Variants in CATSPERE observed in about 807,000 individuals in gnomAD.
CATSPERE encodes catsper channel auxiliary subunit epsilon.
CATSPERE carries 93 observed loss-of-function variants against 114.1 expected under a neutral mutation model. That is an observed-to-expected ratio of 0.81 (90% CI 0.69 to 0.97). CATSPERE has a LOEUF of 0.97. CATSPERE is among the 50% of genes least tolerant of loss of function. The pLI, the probability that CATSPERE is intolerant of heterozygous loss-of-function variation, is 0.00. For synonymous variants in CATSPERE, 341 were observed against 384.1 expected, an observed-to-expected ratio of 0.89 and a Z score of 1.31; for missense variants, 1,058 against 1,131.6, an observed-to-expected ratio of 0.93 and a Z score of 0.93.
intron 17 of CATSPERE, among the ~76,000 whole-genome samples, chr1:244,601,941 G>A (rs547707562): frequency 2.8e-4 from 42 of 151,948 alleles, no homozygotes; most frequent in African/African-American, 9.9e-4. Context: ...GCAACAGAGC[G>A]AAACGGAAGG....
chr1:244,595,416 G>A (rs1057324714), intron 17 of CATSPERE, among the ~76,000 whole-genome samples: 37 of 152,208 alleles, frequency 2.4e-4, no homozygotes, highest in Non-Finnish European at 3.8e-4. Flanking sequence ...AGGCAGAGGA[G>A]GGAAGGAGAG....
intron 5 of CATSPERE, among the ~76,000 whole-genome samples, chr1:244,484,775 A>G (rs1670740535): frequency 6.6e-6 from 1 of 152,128 alleles, no homozygotes; most frequent in African/African-American, 2.4e-5. Flanking sequence ...TTCTCATATT[A>G]CCTTCTCTTC....
At chr1:244,509,046 C>T (rs1037897514) in intron 7 of CATSPERE, among the ~76,000 whole-genome samples, 2 of 151,216 alleles carry the variant, frequency 1.3e-5, no homozygotes, top group African/African-American at 2.4e-5. Flanking sequence ...ATTTTCCAAC[C>T]TTGATCCTTT....
At chr1:244,600,962 C>A (rs1427681891) in intron 17 of CATSPERE, among the ~76,000 whole-genome samples, 1 of 151,956 alleles carries the variant, frequency 6.6e-6, no homozygotes, top group Non-Finnish European at 1.5e-5. Flanking sequence ...GCACACAAAG[C>A]AAATGCTTAA....
intron 8 of CATSPERE, among the ~76,000 whole-genome samples, chr1:244,545,599 C>A (rs1242427409): frequency 6.6e-6 from 1 of 152,202 alleles, no homozygotes; most frequent in African/African-American, 2.4e-5. Flanking sequence ...CCTTGGATAA[C>A]TATTCTCCTT....
At chr1:244,635,687 T>C (rs531712156) in intron 21 of CATSPERE, 145 bp downstream of exon 21, 4 of 609,320 alleles carry the variant, frequency 6.6e-6, no homozygotes, top group Admixed American at 3.1e-5. Flanking sequence ...AATCTTATTA[T>C]GAAAATTATT....
At chr1:244,515,000 C>A (rs1676393359) in intron 7 of CATSPERE, among the ~76,000 whole-genome samples, 1 of 152,134 alleles carries the variant, frequency 6.6e-6, no homozygotes, top group Non-Finnish European at 1.5e-5. Flanking sequence ...ATGGAAACTT[C>A]TTGTGAGTCA....
intron 17 of CATSPERE, among the ~76,000 whole-genome samples, chr1:244,601,820 G>C (rs530264550): frequency 3.9e-4 from 60 of 152,252 alleles, no homozygotes; most frequent in African/African-American, 1.3e-3. Context: ...GGGCGTGGGT[G>C]GTGGGCGCCT....
intron 5 of CATSPERE, among the ~76,000 whole-genome samples, chr1:244,480,585 C>A (rs372671731): frequency 1.6e-5 from 1 of 63,650 alleles, no homozygotes; most frequent in African/African-American, 5.1e-5. Context: ...GGCACATACA[C>A]GATCCAGGCA....
chr1:244,586,094 G>A (rs1390030810), intron 13 of CATSPERE, among the ~76,000 whole-genome samples: 2 of 152,222 alleles, frequency 1.3e-5, no homozygotes, highest in Non-Finnish European at 2.9e-5. Context: ...CTAAGGAGAA[G>A]TGTTGTCATT....
intron 13 of CATSPERE, among the ~76,000 whole-genome samples, chr1:244,584,331 C>T (rs1666704908): frequency 6.6e-6 from 1 of 151,894 alleles, no homozygotes; most frequent in South Asian, 2.1e-4. Flanking sequence ...AAATGGTATA[C>T]ACAGTTCTCA....
At chr1:244,501,157 T>C (rs1673980671) in intron 7 of CATSPERE, among the ~76,000 whole-genome samples, 2 of 152,308 alleles carry the variant, frequency 1.3e-5, no homozygotes, top group South Asian at 4.1e-4. Context: ...CTGTTATTGG[T>C]GTATAGGGCA....
At chr1:244,599,578 A>C (rs1668900948) in intron 17 of CATSPERE, among the ~76,000 whole-genome samples, 1 of 152,214 alleles carries the variant, frequency 6.6e-6, no homozygotes, top group Non-Finnish European at 1.5e-5. Flanking sequence ...GCCTCCATAT[A>C]GCAGCAAGGG....
At chr1:244,582,478 C>T (rs571708203) in intron 12 of CATSPERE, among the ~76,000 whole-genome samples, 29 of 151,514 alleles carry the variant, frequency 1.9e-4, no homozygotes, top group African/African-American at 7.0e-4. Flanking sequence ...TCTCGGCTCA[C>T]TGCAACCTCC....
rs188793451 is a variant in CATSPERE, at chr1:244,543,139, T to A, written c.537-9183T>A. ...TCCAGCCATCCCACTTCTAAGTGTG[T>A]ATCCAAAGGAATGGAAATCAATCTG... is the stretch of plus-strand genomic sequence containing the variant. On this transcript the variant is annotated intron_variant, in intron 8 of 21. Coordinates refer to ENST00000366534, the MANE Select transcript of CATSPERE (RefSeq NM_001130957.2). 2.3e-3 allele frequency among the ~76,000 whole-genome samples: 355 copies of A among 152,266 alleles called. 3 individuals carry two copies. Among genetic ancestry groups the A allele is most frequent in the African/African-American group, 8.3e-3 (344 of 41,554 alleles).
At chr1:244,455,118 C>G (rs573883388) in intron 1 of CATSPERE, among the ~76,000 whole-genome samples, 1 of 152,312 alleles carries the variant, frequency 6.6e-6, no homozygotes, top group East Asian at 1.9e-4. Flanking sequence ...ACAATAGAAA[C>G]TGCTCAATAC....
intron 20 of CATSPERE, among the ~76,000 whole-genome samples, chr1:244,622,317 A>G (rs780597622): frequency 1.1e-4 from 16 of 150,668 alleles, no homozygotes; most frequent in Non-Finnish European, 1.5e-4. Context: ...TGTTTTCTCC[A>G]TTTTCTAACC....
chr1:244,639,190 T>A (rs79798515), intron 21 of CATSPERE, among the ~76,000 whole-genome samples: 1,708 of 152,294 alleles, frequency 0.011, 39 homozygotes, highest in African/African-American at 0.039. Context: ...TCCTGAGGTG[T>A]TACCACATTT....
At chr1:244,483,832 T>C (rs1015457316) in intron 5 of CATSPERE, among the ~76,000 whole-genome samples, 4 of 152,148 alleles carry the variant, frequency 2.6e-5, no homozygotes, top group Non-Finnish European at 5.9e-5. Context: ...ATTAATCCTT[T>C]CCTTTGTGGG....
Sources: gnomAD v4.1 joint callset for allele counts (sites outside exome capture counted in the v4.1 genomes callset) on GRCh38, gnomAD v4.1.1 for gene constraint, MANE v1.5 for transcripts, NCBI Gene and HGNC (gene_info 2026-07-23, HGNC 2026-07-21) for gene names.